UXS1: variants seen among roughly 807,000 people sequenced by gnomAD.
UXS1 encodes the protein UDP-glucuronic acid decarboxylase 1.
UXS1 carries 33 observed loss-of-function variants against 62.6 expected under a neutral mutation model. The observed-to-expected ratio is 0.53, with a 90% CI of 0.40 to 0.70. UXS1 has a LOEUF of 0.70. Among genes scored for constraint, UXS1 ranks in the 30% least tolerant of loss-of-function variants. The pLI, the probability that UXS1 is intolerant of heterozygous loss-of-function variation, is 0.00. For missense variants in UXS1, 434 were observed against 556.3 expected (o/e 0.78, Z 2.21); for synonymous variants, 213 against 206.8 (o/e 1.03, Z -0.26).
chr2:106,157,712 T>C (rs1239782982), intron 5 of UXS1, among the ~76,000 whole-genome samples: 3 of 152,258 alleles, frequency 2.0e-5, no homozygotes, highest in Admixed American at 6.5e-5. Context: ...AGTGTACTGA[T>C]TGATGCTACA....
At chr2:106,162,730 T>G (rs1332576479) in intron 4 of UXS1, among the ~76,000 whole-genome samples, 3 of 152,252 alleles carry the variant, frequency 2.0e-5, no homozygotes, top group Non-Finnish European at 4.4e-5. Context: ...ACAACTTTTG[T>G]TCTGATAAGT....
intron 4 of UXS1, among the ~76,000 whole-genome samples, chr2:106,161,997 G>A (rs1376186096): frequency 2.6e-5 from 4 of 152,194 alleles, no homozygotes; most frequent in Non-Finnish European, 4.4e-5. Flanking sequence ...CAAGATGGTT[G>A]TTTGATCATC....
intron 5 of UXS1, among the ~76,000 whole-genome samples, chr2:106,149,483 C>T (rs1195555865): frequency 6.6e-6 from 1 of 152,144 alleles, no homozygotes; most frequent in African/African-American, 2.4e-5. Context: ...GAAGTGTGTT[C>T]CACATAGAAG....
chr2:106,124,867 A>T (rs114763203), intron 8 of UXS1, among the ~76,000 whole-genome samples: 6,389 of 152,098 alleles, frequency 0.042, 193 homozygotes, highest in Non-Finnish European at 0.067. Flanking sequence ...TTCCTTAATT[A>T]AAAAAAAGTC....
At chr2:106,141,970 T>C (rs1209998164) in intron 6 of UXS1, among the ~76,000 whole-genome samples, 6 of 151,638 alleles carry the variant, frequency 4.0e-5, no homozygotes, top group Admixed American at 3.3e-4. Flanking sequence ...TTCTGGGTTC[T>C]AGCGATTCTC....
In UXS1 at chr2:106,093,762, G is replaced by A. The variant is rs1676850388; in HGVS notation, c.*264C>T. ...GTCACAACATATGCTCTCACAGCAA[G>A]ATAAAAAAACTTGAAAATACGCAGA... On this transcript the variant is annotated 3_prime_UTR_variant, in exon 15 of 15. Coordinates refer to ENST00000283148, the MANE Select transcript of UXS1 (RefSeq NM_001253875.2). The A allele has an allele frequency of 5.3e-6, 2 of 375,128 alleles. No individual in the cohort carries two copies. The highest frequency in any genetic ancestry group is 9.3e-5 in the Admixed American group (2 of 21,516). 23.2% of individuals were successfully genotyped at this position (375,128 alleles called of 1,614,324 possible).
chr2:106,161,818 T>TA (rs1183178667), intron 4 of UXS1, among the ~76,000 whole-genome samples: 4 of 152,196 alleles, frequency 2.6e-5, no homozygotes, highest in Admixed American at 6.5e-5. Context: ...AAAGCCCACA[T>TA]ACAATCCATT....
At chr2:106,169,664 G>C (rs953421473) in intron 1 of UXS1, among the ~76,000 whole-genome samples, 1 of 152,152 alleles carries the variant, frequency 6.6e-6, no homozygotes, top group Non-Finnish European at 1.5e-5. Context: ...TCCAGCCTGG[G>C]TGACAAAAGT....
intron 1 of UXS1, among the ~76,000 whole-genome samples, chr2:106,180,888 A>T (rs1684200060): frequency 6.6e-6 from 1 of 152,198 alleles, no homozygotes; most frequent in African/African-American, 2.4e-5. Flanking sequence ...GCATGGTAGA[A>T]AATGTTACCA....
chr2:106,185,809 G>A (rs1684515512), intron 1 of UXS1, among the ~76,000 whole-genome samples: 1 of 152,206 alleles, frequency 6.6e-6, no homozygotes, highest in African/African-American at 2.4e-5. Flanking sequence ...AGACAGAAAA[G>A]GAGGAGGCCA....
At chr2:106,112,011 C>T (rs1414806302) in intron 10 of UXS1, among the ~76,000 whole-genome samples, 1 of 152,188 alleles carries the variant, frequency 6.6e-6, no homozygotes, top group East Asian at 1.9e-4. Context: ...CTGGGGTGCT[C>T]CTCCCAAGGG....
At chr2:106,148,546 C>G (rs1282418172) in intron 5 of UXS1, among the ~76,000 whole-genome samples, 3 of 152,216 alleles carry the variant, frequency 2.0e-5, no homozygotes, top group Non-Finnish European at 4.4e-5. Flanking sequence ...TCTCCAACAT[C>G]TCACTAGTCT....
intron 5 of UXS1, among the ~76,000 whole-genome samples, chr2:106,146,191 G>A (rs1027753449): frequency 2.6e-5 from 4 of 152,216 alleles, no homozygotes; most frequent in Non-Finnish European, 5.9e-5. Context: ...TATAGGCGGT[G>A]GGAGTGAAAA....
At chr2:106,125,844 C>T (rs1679894121) in intron 7 of UXS1, among the ~76,000 whole-genome samples, 165 bp from the exon 8 acceptor site, 1 of 152,178 alleles carries the variant, frequency 6.6e-6, no homozygotes, top group Non-Finnish European at 1.5e-5. Flanking sequence ...AAAACAAATA[C>T]AGTAAGAAAA....
chr2:106,126,930 T>TG (rs1680006967), intron 7 of UXS1, among the ~76,000 whole-genome samples: 1 of 152,142 alleles, frequency 6.6e-6, no homozygotes, highest in African/African-American at 2.4e-5. Context: ...TGCTGACCCC[T>TG]GGCAACCACT....
intron 9 of UXS1, among the ~76,000 whole-genome samples, chr2:106,116,751 C>A (rs1428643010): frequency 6.6e-6 from 1 of 152,120 alleles, no homozygotes; most frequent in Non-Finnish European, 1.5e-5. Flanking sequence ...CTCTGATTAC[C>A]GAGTGAATGG....
chr2:106,126,490 C>G (rs1312432117), intron 7 of UXS1, among the ~76,000 whole-genome samples: 1 of 152,072 alleles, frequency 6.6e-6, no homozygotes, highest in East Asian at 1.9e-4. Flanking sequence ...CACATGCCCA[C>G]GAAGCACTGC....
chr2:106,190,305 G>A (rs1684832758), intron 1 of UXS1, among the ~76,000 whole-genome samples: 1 of 152,166 alleles, frequency 6.6e-6, no homozygotes, highest in Non-Finnish European at 1.5e-5. Flanking sequence ...ATATAGGAGG[G>A]TGGAGAGCAT....
intron 1 of UXS1, among the ~76,000 whole-genome samples, chr2:106,174,605 T>G (rs886594329): frequency 2.6e-5 from 4 of 152,058 alleles, no homozygotes; most frequent in African/African-American, 9.7e-5. Flanking sequence ...CAGCCAGAGG[T>G]GCAACCCAGG....
Sources: gnomAD v4.1 joint callset for allele counts (sites outside exome capture counted in the v4.1 genomes callset) on GRCh38, gnomAD v4.1.1 for gene constraint, MANE v1.5 for transcripts, NCBI Gene and HGNC (gene_info 2026-07-23, HGNC 2026-07-21) for gene names.